The following PTPRS variants were observed in gnomAD, a reference collection of about 807,000 sequenced individuals.
PTPRS encodes the protein receptor-type tyrosine-protein phosphatase S.
In PTPRS, 63 loss-of-function variants were observed where a neutral mutation model predicts 215.3. The ratio of observed to expected loss-of-function variants is 0.29; its 90% CI spans 0.24 to 0.36. PTPRS has a LOEUF of 0.36. Ranked by LOEUF, PTPRS falls within the 10% of genes least tolerant of loss-of-function variation. PTPRS has a pLI of 1.00. For missense variants in PTPRS, 2,258 were observed against 2,825.8 expected (o/e 0.80, Z 4.56); for synonymous variants, 1,404 against 1,191.4 (o/e 1.18, Z -3.68).
At chr19:5,308,958 G>T (rs1203765918) in intron 1 of PTPRS, among the ~76,000 whole-genome samples, 1 of 152,196 alleles carries the variant, frequency 6.6e-6, no homozygotes, top group African/African-American at 2.4e-5. Context: ...GTACGGGGCA[G>T]GGAGGCAAAA....
intron 2 of PTPRS, among the ~76,000 whole-genome samples, chr19:5,282,056 A>G (rs2047898707): frequency 6.6e-6 from 1 of 151,678 alleles, no homozygotes; most frequent in Non-Finnish European, 1.5e-5. Context: ...CACTGGGCTG[A>G]GATACCTGCT....
intron 9 of PTPRS, 31 bp from the exon 10 acceptor site, chr19:5,246,076 G>T: frequency 7.2e-7 from 1 of 1,384,734 alleles, no homozygotes; most frequent in South Asian, 1.5e-5. Context: ...GCGGCGGGAG[G>T]GAGATGCGAG....
Position 5,293,720 on chromosome 19 carries a change from C to CCTCTT in PTPRS, c.-94-7491_-94-7487dup, listed in dbSNP as rs1408765617. ...ACGGTGATGGGGGCGGGGGGCGTCC[C>CCTCTT]CTCTTCCCCCTCTTAGACCAGAGGG... On this transcript the variant is annotated intron_variant, in intron 1 of 37. Coordinates refer to ENST00000262963, the MANE Select transcript of PTPRS (RefSeq NM_002850.4). This position sits in a 1 kb window ranked among gnomAD's most constrained non-coding sequence, Gnocchi z 8.4. Among the ~76,000 whole-genome samples, 1 of 152,122 alleles carries CCTCTT rather than the reference C, an allele frequency of 6.6e-6. No individual in the cohort carries two copies. Among genetic ancestry groups the CCTCTT allele is most frequent in the East Asian group, 1.9e-4 (1 of 5,144 alleles).
At chr19:5,253,440 C>T (rs1274671098) in intron 9 of PTPRS, among the ~76,000 whole-genome samples, 1 of 152,234 alleles carries the variant, frequency 6.6e-6, no homozygotes, top group Admixed American at 6.5e-5. Context: ...GCTTTCAGAA[C>T]ATGCCAGGTA....
chr19:5,330,758 A>G (rs1052737419), intron 1 of PTPRS, among the ~76,000 whole-genome samples: 3 of 152,176 alleles, frequency 2.0e-5, no homozygotes, highest in East Asian at 1.9e-4. Flanking sequence ...TCAGACCCCT[A>G]ATGCCCTTCC....
intron 4 of PTPRS, among the ~76,000 whole-genome samples, chr19:5,270,305 T>G (rs1401816874): frequency 1.4e-4 from 1 of 7,304 alleles, no homozygotes; most frequent in African/African-American, 6.6e-4. Context: ...CCACCCCCCT[T>G]TTAGAGACAG....
At chr19:5,258,611 A>T (rs2045753666) in intron 7 of PTPRS, among the ~76,000 whole-genome samples, 1 of 152,232 alleles carries the variant, frequency 6.6e-6, no homozygotes, top group African/African-American at 2.4e-5. Flanking sequence ...GCCCGTGAGT[A>T]AATGAACATG....
At chr19:5,284,960 C>T (rs980416059) in intron 2 of PTPRS, among the ~76,000 whole-genome samples, 2 of 151,862 alleles carry the variant, frequency 1.3e-5, no homozygotes, top group African/African-American at 4.8e-5. Flanking sequence ...AAGGAAAAAA[C>T]GACAATAAAA....
chr19:5,222,753 G>T lies in PTPRS; in HGVS notation c.3039C>A (p.His1013Gln). The change falls in exon 18 of 38, where the codon CAC becomes CAA. Residue 1013 changes from histidine (H) to glutamine (Q), a missense_variant. This residue lies in a region of PTPRS where 361 missense variants were observed against 332.6 expected (regional missense o/e 1.09). Transcript: ENST00000262963. ...TGAAGGGGCCAGGGCCCCGGCGCGTGTGGGCTCGCACTTGGAGGTCATAGG... is the reference window on the plus strand; with the variant it reads ...TGAAGGGGCCAGGGCCCCGGCGCGTTTGGGCTCGCACTTGGAGGTCATAGG... ...DTAYDLQVRAHTRRGPGPFSP... is the reference protein window; with the variant it reads ...DTAYDLQVRAQTRRGPGPFSP... 1 of 1,598,728 alleles carries T rather than the reference G, an allele frequency of 6.3e-7. No individual in the cohort carries two copies. The highest frequency in any genetic ancestry group is 8.5e-7 in the Non-Finnish European group (1 of 1,178,394).
At chr19:5,292,965 C>A (rs1421219546) in intron 1 of PTPRS, among the ~76,000 whole-genome samples, 1 of 152,084 alleles carries the variant, frequency 6.6e-6, no homozygotes, top group Non-Finnish European at 1.5e-5. Flanking sequence ...TGGGGGGGCG[C>A]CAGGCAGCAG....
Position 5,225,707 on chromosome 19 carries a change from G to C in PTPRS, c.2494+20C>G, listed in dbSNP as rs1321866497. On this transcript the variant is annotated intron_variant, in intron 17 of 37. Transcript: ENST00000262963. Reference sequence around the variant, plus strand: ...GGGCAAAGGGGCTGTTGGTGGGTGGGAGGAGGGCGGGTTGCATACCTGCTC... The same window carrying C: ...GGGCAAAGGGGCTGTTGGTGGGTGGCAGGAGGGCGGGTTGCATACCTGCTC... The C allele has an allele frequency of 1.3e-6, 2 of 1,599,324 alleles. No homozygotes were observed. The highest frequency in any genetic ancestry group is 8.6e-7 in the Non-Finnish European group (1 of 1,166,870).
Position 5,223,245 on chromosome 19 carries a change from C to T in PTPRS, c.2547G>A (p.Leu849=). 6.7e-7 allele frequency: 1 copy of T among 1,485,078 alleles called. No homozygotes were observed. The highest frequency in any genetic ancestry group is 8.9e-7 in the Non-Finnish European group (1 of 1,119,210). 92.0% of individuals were successfully genotyped at this position (1,485,078 alleles called of 1,614,324 possible). A position where few individuals can be genotyped will look rare whatever the true frequency, so the allele number is the denominator to read the frequency against. Residue 849 remains leucine (L), a synonymous_variant, in exon 18 of 38, where the codon CTG becomes CTA. Coordinates refer to ENST00000262963, the MANE Select transcript of PTPRS (RefSeq NM_002850.4). The part of the protein sequence containing the change: ...SVQQTPEGSL[L]ARWEPPAGTA... ...TGCCAGCCGGGGGCTCCCAGCGTGC[C>T]AGCAGGCTGCCCTCGGGGGTCTGCT... is the stretch of plus-strand genomic sequence containing the variant.
chr19:5,271,707 T>C (rs1259117722), intron 4 of PTPRS, among the ~76,000 whole-genome samples: 1 of 151,050 alleles, frequency 6.6e-6, no homozygotes, highest in African/African-American at 2.4e-5. Flanking sequence ...CATTTCATTT[T>C]TATTCATTCA....
At chr19:5,271,710 T>C (rs554372552) in intron 4 of PTPRS, among the ~76,000 whole-genome samples, 6 of 150,390 alleles carry the variant, frequency 4.0e-5, no homozygotes, top group African/African-American at 1.2e-4. Flanking sequence ...TTCATTTTTA[T>C]TCATTCATTC....
chr19:5,214,030 C>G (rs527605331), intron 30 of PTPRS, among the ~76,000 whole-genome samples: 2 of 152,272 alleles, frequency 1.3e-5, no homozygotes, highest in South Asian at 4.1e-4. Flanking sequence ...GCTGAGGCCC[C>G]CATCATAGGC....
chr19:5,273,644 T>C, intron 3 of PTPRS, 61 bp from the exon 4 acceptor site: 1 of 1,567,380 alleles, frequency 6.4e-7, no homozygotes, highest in East Asian at 2.3e-5. Flanking sequence ...GGTTCCTGTC[T>C]AGGCTGGGCT....
chr19:5,308,573 G>A (rs571139280), intron 1 of PTPRS, among the ~76,000 whole-genome samples: 16 of 152,238 alleles, frequency 1.1e-4, no homozygotes, highest in Middle Eastern at 3.4e-3. Context: ...AAGCTTCACC[G>A]ACGCAGTCAC....
In PTPRS at chr19:5,206,769, T is replaced by C. The variant is rs372476264; in HGVS notation, c.*5A>G. 1.9e-6 allele frequency: 3 copies of C among 1,613,452 alleles called. No individual in the cohort carries two copies. Among genetic ancestry groups the C allele is most frequent in the Non-Finnish European group, 2.5e-6 (3 of 1,179,446 alleles). On this transcript the variant is annotated 3_prime_UTR_variant, in exon 38 of 38. Transcript: ENST00000262963. ...GTGGTGTCGGGCCTGGGGGGAACCATGGCTTTAGGTTGCATAGTGGTCAAA... is the reference window on the plus strand; with the variant it reads ...GTGGTGTCGGGCCTGGGGGGAACCACGGCTTTAGGTTGCATAGTGGTCAAA...
chr19:5,322,013 GT>G (rs1409547881), intron 1 of PTPRS, among the ~76,000 whole-genome samples: 19 of 152,296 alleles, frequency 1.2e-4, no homozygotes, highest in Non-Finnish European at 1.6e-4. Context: ...CCCTGAAATT[GT>G]CCCCATTTCC....
Sources: allele counts gnomAD v4.1 joint callset (sites outside exome capture counted in the v4.1 genomes callset), GRCh38; gene constraint gnomAD v4.1.1; regional missense constraint gnomAD v4.1.1; non-coding constraint Gnocchi (gnomAD v3.1); transcripts MANE v1.5; gene names NCBI Gene and HGNC (gene_info 2026-07-23, HGNC 2026-07-21).